Variants in GRM1 observed in about 807,000 individuals in gnomAD.
GRM1 encodes metabotropic glutamate receptor 1.
In GRM1, 33 loss-of-function variants were observed where a neutral mutation model predicts 90.9. The observed-to-expected ratio is 0.36, with a 90% CI of 0.28 to 0.49. The LOEUF is 0.49. GRM1 is among the 20% of genes least tolerant of loss of function. The pLI, the probability that GRM1 is intolerant of heterozygous loss-of-function variation, is 0.99. For missense variants in GRM1, 1,190 were observed against 1,534.3 expected (o/e 0.78, Z 3.75); for synonymous variants, 700 against 613.2 (o/e 1.14, Z -2.09).
At chr6:146,401,323 T>A (rs1409893463) in intron 7 of GRM1, among the ~76,000 whole-genome samples, 6 of 151,746 alleles carry the variant, frequency 4.0e-5, no homozygotes. Context: ...TTTTTTTTCC[T>A]CTTACCATGT....
chr6:146,430,362 A>G (rs1290243261), intron 7 of GRM1, among the ~76,000 whole-genome samples: 2 of 152,170 alleles, frequency 1.3e-5, no homozygotes, highest in Admixed American at 6.5e-5. Context: ...GTTTTCCTCC[A>G]ATTGAGCCAC....
At chr6:146,418,455 C>G (rs1197804566) in intron 7 of GRM1, among the ~76,000 whole-genome samples, 1 of 151,722 alleles carries the variant, frequency 6.6e-6, no homozygotes, top group African/African-American at 2.4e-5. Context: ...ATATTAATTA[C>G]TTCCAATTAT....
chr6:146,113,363 T>C (rs1775631705), intron 1 of GRM1, among the ~76,000 whole-genome samples: 1 of 152,212 alleles, frequency 6.6e-6, no homozygotes, highest in South Asian at 2.1e-4. Flanking sequence ...ATATTCCACT[T>C]GTGACAGTAA....
chr6:146,130,809 C>A (rs2128880222), intron 1 of GRM1, among the ~76,000 whole-genome samples: 1 of 152,060 alleles, frequency 6.6e-6, no homozygotes, highest in Admixed American at 6.6e-5. Flanking sequence ...TAAGGCTAGC[C>A]CCCCTCTCAA....
chr6:146,251,695 A>T (rs1781284278), intron 2 of GRM1, among the ~76,000 whole-genome samples: 1 of 152,202 alleles, frequency 6.6e-6, no homozygotes, highest in Admixed American at 6.5e-5. Context: ...ATTTGTGAGT[A>T]TGATCCTCAT....
At chr6:146,204,142 G>T (rs1366480623) in intron 2 of GRM1, among the ~76,000 whole-genome samples, 1 of 152,152 alleles carries the variant, frequency 6.6e-6, no homozygotes, top group African/African-American at 2.4e-5. Context: ...TTATGCATGT[G>T]TTAATTTATA....
intron 3 of GRM1, among the ~76,000 whole-genome samples, chr6:146,305,881 C>T (rs1333854520): frequency 6.6e-6 from 1 of 152,144 alleles, no homozygotes; most frequent in Admixed American, 6.5e-5. Context: ...TTGGGCAAAT[C>T]AAAACAGATC....
chr6:146,126,093 C>T (rs531805544), intron 1 of GRM1, among the ~76,000 whole-genome samples: 1 of 151,866 alleles, frequency 6.6e-6, no homozygotes, highest in Non-Finnish European at 1.5e-5. Context: ...TTTGTGGAGA[C>T]CTTTAGGGAG....
At chr6:146,031,442 GA>G (rs1211778974) in intron 1 of GRM1, among the ~76,000 whole-genome samples, 2 of 151,998 alleles carry the variant, frequency 1.3e-5, no homozygotes. Flanking sequence ...TATAGAAATT[GA>G]CAGCATCCAT....
chr6:146,078,393 T>C (rs140873253), intron 1 of GRM1, among the ~76,000 whole-genome samples: 27 of 152,234 alleles, frequency 1.8e-4, no homozygotes, highest in African/African-American at 6.0e-4. Context: ...GGAAATACAT[T>C]GTTAAGAAAG....
chr6:146,404,854 T>G (rs553221644), intron 7 of GRM1, among the ~76,000 whole-genome samples: 1 of 152,318 alleles, frequency 6.6e-6, no homozygotes, highest in East Asian at 1.9e-4. Flanking sequence ...GGGAAGAAAC[T>G]GACTTATAGA....
intron 5 of GRM1, among the ~76,000 whole-genome samples, chr6:146,369,739 G>A (rs1424019820): frequency 6.6e-6 from 1 of 151,890 alleles, no homozygotes. Flanking sequence ...GTCACCCAAT[G>A]TATGGTCTAT....
At chr6:146,119,595 T>C (rs954966145) in intron 1 of GRM1, among the ~76,000 whole-genome samples, 9 of 152,250 alleles carry the variant, frequency 5.9e-5, no homozygotes, top group African/African-American at 1.7e-4. Flanking sequence ...AAATCTTTAA[T>C]CCATCTTGAA....
chr6:146,314,439 T>G (rs1364248796), intron 3 of GRM1, among the ~76,000 whole-genome samples: 1 of 152,156 alleles, frequency 6.6e-6, no homozygotes, highest in Non-Finnish European at 1.5e-5. Context: ...AACATTTGAG[T>G]TGTTTCCAGG....
intron 1 of GRM1, among the ~76,000 whole-genome samples, chr6:146,042,763 G>A (rs1415692096): frequency 1.3e-5 from 2 of 151,880 alleles, no homozygotes; most frequent in African/African-American, 4.8e-5. Context: ...CTATTGTACA[G>A]CCCTCAGTTA....
intron 1 of GRM1, among the ~76,000 whole-genome samples, chr6:146,061,438 T>C (rs1775665741): frequency 6.6e-6 from 1 of 152,026 alleles, no homozygotes; most frequent in African/African-American, 2.4e-5. Flanking sequence ...TGTACTGAAA[T>C]GCCCTTTATT....
intron 7 of GRM1, among the ~76,000 whole-genome samples, chr6:146,411,598 C>T (rs953108450): frequency 6.6e-6 from 1 of 152,100 alleles, no homozygotes; most frequent in South Asian, 2.1e-4. Context: ...GTTTAGGAGA[C>T]GAGCAAGATA....
intron 7 of GRM1, among the ~76,000 whole-genome samples, chr6:146,408,480 G>A (rs1275408343): frequency 6.6e-6 from 1 of 152,122 alleles, no homozygotes; most frequent in Non-Finnish European, 1.5e-5. Flanking sequence ...AAAGAGCACA[G>A]CACAATACCT....
intron 1 of GRM1, among the ~76,000 whole-genome samples, chr6:146,146,145 G>C (rs183637784): frequency 1.8e-5 from 1 of 54,258 alleles, no homozygotes; most frequent in African/African-American, 5.3e-5. Flanking sequence ...TTTTTGAGAC[G>C]TGGCGCCATC....
Sources: allele counts gnomAD v4.1 joint callset (sites outside exome capture counted in the v4.1 genomes callset), GRCh38; gene constraint gnomAD v4.1.1; transcripts MANE v1.5; gene names NCBI Gene and HGNC (gene_info 2026-07-23, HGNC 2026-07-21).